Variants in POU2AF2 observed in about 807,000 individuals in gnomAD.
POU2AF2 encodes POU class 2 homeobox associating factor 2, also known as POU domain class 2-associating factor 2.
At chr11:111,256,446 C>A in the POU2AF2 span, among the ~76,000 whole-genome samples, 59 of 152,348 alleles carry the variant, frequency 3.9e-4, no homozygotes, top group African/African-American at 1.2e-3. Flanking sequence ...TCCCTCATAA[C>A]TGGATGTCAT....
chr11:111,253,721 A>G, the POU2AF2 span, among the ~76,000 whole-genome samples: 66 of 152,276 alleles, frequency 4.3e-4, no homozygotes, highest in South Asian at 6.2e-4. Context: ...AAAGCCCCCA[A>G]TGGCGTATGG....
the POU2AF2 span, among the ~76,000 whole-genome samples, chr11:111,283,131 C>T: frequency 2.0e-5 from 3 of 151,320 alleles, no homozygotes; most frequent in Admixed American, 2.0e-4. Flanking sequence ...CTCCACCTCC[C>T]GGGTTCAAGT....
the POU2AF2 span, among the ~76,000 whole-genome samples, chr11:111,285,064 G>T: frequency 6.6e-6 from 1 of 152,212 alleles, no homozygotes; most frequent in Admixed American, 6.5e-5. Context: ...CAACAACTCA[G>T]GATATATTTA....
the POU2AF2 span, among the ~76,000 whole-genome samples, chr11:111,260,321 G>A: frequency 6.6e-6 from 1 of 151,720 alleles, no homozygotes; most frequent in South Asian, 2.1e-4. Context: ...TACCATAAAT[G>A]CATTGTAATA....
the POU2AF2 span, chr11:111,286,096 G>A: frequency 2.5e-6 from 4 of 1,593,438 alleles, no homozygotes; most frequent in African/African-American, 2.7e-5. Flanking sequence ...TTAACTTGAG[G>A]TGTATTCCAA....
the POU2AF2 span, among the ~76,000 whole-genome samples, chr11:111,271,623 T>A: frequency 8.5e-5 from 13 of 152,100 alleles, no homozygotes; most frequent in African/African-American, 3.1e-4. Context: ...GGGGTCTCAC[T>A]GTCTTGCCCA....
At chr11:111,252,561 G>A in the POU2AF2 span, among the ~76,000 whole-genome samples, 12 of 151,724 alleles carry the variant, frequency 7.9e-5, no homozygotes, top group East Asian at 9.9e-4. Flanking sequence ...TAGAGCGGTC[G>A]TAGTAACTGG....
the POU2AF2 span, among the ~76,000 whole-genome samples, chr11:111,254,677 C>T: frequency 2.0e-5 from 3 of 152,178 alleles, no homozygotes; most frequent in Admixed American, 2.0e-4. Flanking sequence ...TTCCTTTCTT[C>T]CTTCCTTTCA....
At chr11:111,250,045 T>C in the POU2AF2 span, among the ~76,000 whole-genome samples, 1 of 152,202 alleles carries the variant, frequency 6.6e-6, no homozygotes, top group East Asian at 1.9e-4. Context: ...CAGAATATTT[T>C]TATTTTTTAT....
the POU2AF2 span, among the ~76,000 whole-genome samples, chr11:111,257,211 G>A: frequency 3.9e-5 from 6 of 152,158 alleles, no homozygotes; most frequent in South Asian, 2.1e-4. Context: ...GGGCTGATAC[G>A]CAGCAGGTAC....
the POU2AF2 span, among the ~76,000 whole-genome samples, chr11:111,248,910 T>C: frequency 2.0e-5 from 3 of 152,218 alleles, no homozygotes; most frequent in Non-Finnish European, 4.4e-5. Flanking sequence ...AGAAAACGTT[T>C]AATTTTGAAA....
the POU2AF2 span, among the ~76,000 whole-genome samples, chr11:111,247,191 C>CAGAGAGAAAGAGAGAGAGAG: frequency 6.9e-6 from 1 of 144,762 alleles, no homozygotes; most frequent in South Asian, 2.4e-4. Flanking sequence ...TACACACACA[C>CAGAGAGAAAGAGAGAGAGAG]AGAGAGAGAG....
At chr11:111,257,976 G>A in the POU2AF2 span, among the ~76,000 whole-genome samples, 5 of 152,072 alleles carry the variant, frequency 3.3e-5, no homozygotes, top group South Asian at 2.1e-4. Flanking sequence ...AAATTAGCCC[G>A]GTGTAGTGGC....
At chr11:111,285,814 T>C in the POU2AF2 span, 15 of 1,608,148 alleles carry the variant, frequency 9.3e-6, no homozygotes, top group Admixed American at 8.6e-5. Flanking sequence ...CATCCCTGGC[T>C]GGGGCTCAGT....
the POU2AF2 span, among the ~76,000 whole-genome samples, chr11:111,266,780 T>C: frequency 7.2e-5 from 11 of 152,340 alleles, no homozygotes; most frequent in East Asian, 1.5e-3. Context: ...TACCCATATC[T>C]GTTTTTGAGA....
chr11:111,263,630 A>G, the POU2AF2 span, among the ~76,000 whole-genome samples: 7 of 151,948 alleles, frequency 4.6e-5, no homozygotes, highest in Non-Finnish European at 8.8e-5. Flanking sequence ...ACAGGGTTTC[A>G]CCATATTGGC....
chr11:111,262,002 G>A, the POU2AF2 span, among the ~76,000 whole-genome samples: 1 of 152,110 alleles, frequency 6.6e-6, no homozygotes. Flanking sequence ...CGTGATTCTT[G>A]CATGCCAATC....
At chr11:111,266,364 C>T in the POU2AF2 span, among the ~76,000 whole-genome samples, 1 of 152,108 alleles carries the variant, frequency 6.6e-6, no homozygotes, top group Non-Finnish European at 1.5e-5. Context: ...CCCACTGGCA[C>T]CCCTACCCCC....
At chr11:111,262,766 C>G in the POU2AF2 span, among the ~76,000 whole-genome samples, 1 of 152,162 alleles carries the variant, frequency 6.6e-6, no homozygotes, top group Non-Finnish European at 1.5e-5. Flanking sequence ...TCTAAGATTT[C>G]TCTAGTTTCT....
Sources: gnomAD v4.1 joint callset for allele counts (sites outside exome capture counted in the v4.1 genomes callset) on GRCh38, gnomAD v4.1.1 for gene constraint, MANE v1.5 for transcripts, NCBI Gene and HGNC (gene_info 2026-07-23, HGNC 2026-07-21) for gene names.